Variants in CACNG5 observed in about 807,000 individuals in gnomAD.
The protein encoded by CACNG5 is voltage-dependent calcium channel gamma-5 subunit.
CACNG5 carries 18 observed loss-of-function variants against 24.8 expected under a neutral mutation model. That is an observed-to-expected ratio of 0.73 (90% CI 0.50 to 1.08). The LOEUF is 1.08. Among genes scored for constraint, CACNG5 ranks in the 50% least tolerant of loss-of-function variants. The pLI is 0.00. For missense variants in CACNG5, 349 were observed against 367.9 expected (o/e 0.95, Z 0.42); for synonymous variants, 157 against 149.1 (o/e 1.05, Z -0.39).
rs934304576 is a variant in CACNG5, at chr17:66,892,665, C to G, written c.*7425C>G. Among the ~76,000 whole-genome samples the G allele has an allele frequency of 6.6e-6, 1 of 152,208 alleles. No individual in the cohort carries two copies. The highest frequency in any genetic ancestry group is 2.4e-5 in the African/African-American group (1 of 41,456). On this transcript the variant is annotated 3_prime_UTR_variant, in exon 6 of 6. Coordinates refer to ENST00000533854, the MANE Select transcript of CACNG5 (RefSeq NM_145811.3). ...TTTAAATCCACCCACACTCATACAC[C>G]TCCCACCCTATTTCAGATACAACAA... is the stretch of plus-strand genomic sequence containing the variant.
At chr17:66,855,231 T>C (rs543908383) in intron 1 of CACNG5, among the ~76,000 whole-genome samples, 1 of 152,318 alleles carries the variant, frequency 6.6e-6, no homozygotes, top group South Asian at 2.1e-4. Flanking sequence ...AGCTGCAATG[T>C]TCCCGATTCT....
chr17:66,880,586 C>T lies in CACNG5; in HGVS notation c.313C>T (p.Leu105=), dbSNP rs780969939. 3 of 1,614,134 alleles carry T rather than the reference C, an allele frequency of 1.9e-6. No individual in the cohort carries two copies. The East Asian group carries it at 6.7e-5, about 36-fold the overall frequency. Residue 105 remains leucine (L), a synonymous_variant, in exon 4 of 6, where the codon CTG becomes TTG. Transcript: ENST00000533854. ...KMIRSATPFP[L]VSLFFMFIGF... ...GATCCGCTCAGCCACACCATTCCCT[C>T]TGGTCAGCCTCTTCTTCATGTTCAT...
intron 1 of CACNG5, among the ~76,000 whole-genome samples, chr17:66,862,003 T>C (rs143411858): frequency 2.5e-4 from 38 of 152,324 alleles, no homozygotes; most frequent in African/African-American, 8.9e-4. Flanking sequence ...GCTCCCTTCA[T>C]CTTGGGGCTG....
intron 1 of CACNG5, among the ~76,000 whole-genome samples, chr17:66,847,743 C>T (rs1353459042): frequency 6.6e-6 from 1 of 152,138 alleles, no homozygotes; most frequent in Non-Finnish European, 1.5e-5. Flanking sequence ...CTATGTAAAT[C>T]TCACTTGGTC....
intron 3 of CACNG5, 104 bp downstream of exon 3, chr17:66,879,162 T>C (rs1056137496): frequency 1.3e-6 from 1 of 787,898 alleles, no homozygotes; most frequent in East Asian, 2.6e-5. Flanking sequence ...GGAATGCCCT[T>C]AGACTCAGCT....
intron 4 of CACNG5, among the ~76,000 whole-genome samples, chr17:66,882,901 A>G (rs2143127077): frequency 6.6e-6 from 1 of 152,210 alleles, no homozygotes; most frequent in South Asian, 2.1e-4. Flanking sequence ...TGGCAGTCAG[A>G]AAGTCTGATG....
intron 1 of CACNG5, among the ~76,000 whole-genome samples, chr17:66,850,997 T>C (rs9914945): frequency 0.85 from 129,265 of 152,058 alleles, 55,116 homozygotes; most frequent in East Asian, 0.97. Context: ...TTTTAATGCC[T>C]ACCCATGGAC....
At chr17:66,859,192 C>T (rs1976823094) in intron 1 of CACNG5, among the ~76,000 whole-genome samples, 1 of 152,170 alleles carries the variant, frequency 6.6e-6, no homozygotes, top group Non-Finnish European at 1.5e-5. Context: ...GTTTTTTTCT[C>T]TCCTTCTGCA....
At chr17:66,877,940 T>C (rs949871598) in intron 2 of CACNG5, among the ~76,000 whole-genome samples, 1 of 152,218 alleles carries the variant, frequency 6.6e-6, no homozygotes, top group Non-Finnish European at 1.5e-5. Flanking sequence ...AATGCAGAAA[T>C]GAAGATTCAA....
At chr17:66,871,714 G>A (rs766109139) in intron 1 of CACNG5, among the ~76,000 whole-genome samples, 2 of 152,138 alleles carry the variant, frequency 1.3e-5, no homozygotes, top group Admixed American at 1.3e-4. Context: ...AAAAAAATTA[G>A]CCGGGCGTGG....
At position 66,891,119 on chromosome 17, in the gene CACNG5, G is replaced by A. The variant is rs1322329391; in HGVS notation, c.*5879G>A. Among the ~76,000 whole-genome samples the A allele has an allele frequency of 1.3e-5, 2 of 152,136 alleles. No individual in the cohort carries two copies. Among genetic ancestry groups the A allele is most frequent in the Non-Finnish European group, 2.9e-5 (2 of 68,038 alleles). On this transcript the variant is annotated 3_prime_UTR_variant, in exon 6 of 6. Transcript: ENST00000533854. ...CTATCAAGATGCAACAGCTTCAGAGGGAAGAGAAGGGTGGTCTTTTTCTCT... is the reference window on the plus strand; with the variant it reads ...CTATCAAGATGCAACAGCTTCAGAGAGAAGAGAAGGGTGGTCTTTTTCTCT...
chr17:66,835,516 CT>C (rs1976472194), intron 1 of CACNG5, among the ~76,000 whole-genome samples: 1 of 152,222 alleles, frequency 6.6e-6, no homozygotes, highest in Admixed American at 6.5e-5. Context: ...ATGACGCCCC[CT>C]CTTTGCAGTC....
Position 66,889,508 on chromosome 17 carries a change from A to G in CACNG5, c.*4268A>G, listed in dbSNP as rs1271377325. ...CAGGTGGTCTATCAGGGTTCTCCAG[A>G]AAAACAGAATCAACAGGATGAATAT... is the stretch of plus-strand genomic sequence containing the variant. On this transcript the variant is annotated 3_prime_UTR_variant, in exon 6 of 6. Coordinates refer to ENST00000533854, the MANE Select transcript of CACNG5 (RefSeq NM_145811.3). Among the ~76,000 whole-genome samples, 1 of 152,216 alleles carries G rather than the reference A, an allele frequency of 6.6e-6. No homozygotes were observed. Among genetic ancestry groups the G allele is most frequent in the Non-Finnish European group, 1.5e-5 (1 of 68,044 alleles).
chr17:66,846,260 A>C (rs1380078750), intron 1 of CACNG5, among the ~76,000 whole-genome samples: 1 of 152,220 alleles, frequency 6.6e-6, no homozygotes, highest in Non-Finnish European at 1.5e-5. Context: ...ATAACATAAA[A>C]TCTACCATGT....
At chr17:66,856,545 CTT>C (rs60304454) in intron 1 of CACNG5, among the ~76,000 whole-genome samples, 32,870 of 142,778 alleles carry the variant, frequency 0.23, 3,945 homozygotes, top group South Asian at 0.4. Context: ...GCCCCCCCGC[CTT>C]TTTTTTTTTT....
chr17:66,865,067 A>T (rs1242260822), intron 1 of CACNG5, among the ~76,000 whole-genome samples: 1 of 152,168 alleles, frequency 6.6e-6, no homozygotes, highest in Non-Finnish European at 1.5e-5. Flanking sequence ...TGATCGTTCA[A>T]CAGTAGTTTT....
Position 66,885,064 on chromosome 17 carries a change from C to A in CACNG5, c.652C>A (p.Arg218Ser). 1.9e-6 allele frequency: 3 copies of A among 1,614,180 alleles called. No individual in the cohort carries two copies. The highest frequency in any genetic ancestry group is 2.5e-6 in the Non-Finnish European group (3 of 1,180,008). The part of the protein sequence containing the change: ...DMYRPHPGFY[R>S]PRLSNCSDYS... ...GTACAGGCCCCACCCTGGCTTCTACCGCCCTCGGCTGAGCAACTGCTCCGA... is the reference window on the plus strand; with the variant it reads ...GTACAGGCCCCACCCTGGCTTCTACAGCCCTCGGCTGAGCAACTGCTCCGA... Residue 218 changes from arginine (R) to serine (S), a missense_variant, in exon 6 of 6, where the codon CGC becomes AGC. Transcript: ENST00000533854.
chr17:66,853,378 G>A (rs924346677), intron 1 of CACNG5, among the ~76,000 whole-genome samples: 2 of 152,150 alleles, frequency 1.3e-5, no homozygotes, highest in African/African-American at 4.8e-5. Flanking sequence ...AGAATTTCTG[G>A]TTGTGTGGCA....
Position 66,885,799 on chromosome 17 carries a change from T to A in CACNG5, c.*559T>A, listed in dbSNP as rs1293764486. On this transcript the variant is annotated 3_prime_UTR_variant, in exon 6 of 6. Coordinates refer to ENST00000533854, the MANE Select transcript of CACNG5 (RefSeq NM_145811.3). ...CCTTTCTCCTTGTCACCCCTGTCCC[T>A]CCACATGACACACCTGTCCATGCTC... Among the ~76,000 whole-genome samples, 1 of 152,174 alleles carries A rather than the reference T, an allele frequency of 6.6e-6. No homozygotes were observed. Among genetic ancestry groups the A allele is most frequent in the Admixed American group, 6.5e-5 (1 of 15,282 alleles).
Sources: allele counts gnomAD v4.1 joint callset (sites outside exome capture counted in the v4.1 genomes callset), GRCh38; gene constraint gnomAD v4.1.1; transcripts MANE v1.5; gene names NCBI Gene and HGNC (gene_info 2026-07-23, HGNC 2026-07-21).